Variants in PDE7B observed in about 807,000 individuals in gnomAD.
PDE7B encodes phosphodiesterase 7B.
PDE7B carries 29 observed loss-of-function variants against 56.2 expected under a neutral mutation model. The observed-to-expected ratio is 0.52, with a 90% confidence interval of 0.38 to 0.70. The LOEUF is 0.70. Ranked by LOEUF, PDE7B falls within the 30% of genes least tolerant of loss-of-function variation. The probability of loss-of-function intolerance (pLI) is 0.00; values close to 1 mark genes in which losing one functional copy is unlikely to be tolerated. For missense variants in PDE7B, 490 were observed against 565.0 expected (o/e 0.87, Z 1.35); for synonymous variants, 197 against 196.9 (o/e 1.00, Z 0.00).
intron 3 of PDE7B, among the ~76,000 whole-genome samples, chr6:136,122,947 G>A (rs1209201537): frequency 2.6e-5 from 4 of 152,186 alleles, no homozygotes; most frequent in Admixed American, 2.6e-4. Flanking sequence ...AGACTGCTGG[G>A]ATATTCTTAT....
At chr6:135,919,968 GTAAATAT>G (rs1048210278) in intron 1 of PDE7B, among the ~76,000 whole-genome samples, 1 of 152,006 alleles carries the variant, frequency 6.6e-6, no homozygotes, top group Non-Finnish European at 1.5e-5. Flanking sequence ...AATCTTTAAA[GTAAATAT>G]TGCTATCCTT....
intron 1 of PDE7B, among the ~76,000 whole-genome samples, chr6:135,882,349 C>A (rs994896834): frequency 6.6e-6 from 1 of 152,150 alleles, no homozygotes; most frequent in African/African-American, 2.4e-5. Flanking sequence ...AAGTCTTCAA[C>A]TAAGTAAAAA....
intron 2 of PDE7B, among the ~76,000 whole-genome samples, chr6:136,027,165 G>A (rs115507934): frequency 0.011 from 1,636 of 152,282 alleles, 32 homozygotes; most frequent in African/African-American, 0.038. Context: ...CTCTGGAACT[G>A]TGAGAAATGA....
At chr6:135,966,361 C>T (rs1406180215) in intron 2 of PDE7B, among the ~76,000 whole-genome samples, 1 of 150,846 alleles carries the variant, frequency 6.6e-6, no homozygotes, top group Non-Finnish European at 1.5e-5. Context: ...TAATGGCTTA[C>T]TCAGGAAACT....
At chr6:136,045,752 T>C (rs1227233140) in intron 2 of PDE7B, among the ~76,000 whole-genome samples, 4 of 151,904 alleles carry the variant, frequency 2.6e-5, no homozygotes, top group Admixed American at 6.6e-5. Flanking sequence ...ATGAATGTGG[T>C]AGTAGAAATT....
At chr6:135,966,256 G>T (rs1330794828) in intron 2 of PDE7B, among the ~76,000 whole-genome samples, 1 of 152,052 alleles carries the variant, frequency 6.6e-6, no homozygotes, top group African/African-American at 2.4e-5. Context: ...CTTTAGAGTG[G>T]CTTTTTTCTA....
chr6:135,857,267 A>G (rs954532615), intron 1 of PDE7B, among the ~76,000 whole-genome samples: 2 of 151,744 alleles, frequency 1.3e-5, no homozygotes, highest in Admixed American at 1.3e-4. Context: ...TCCTGCTGAT[A>G]TTTTTTTCTT....
chr6:135,915,580 T>C (rs1773900704), intron 1 of PDE7B, among the ~76,000 whole-genome samples: 1 of 152,202 alleles, frequency 6.6e-6, no homozygotes, highest in African/African-American at 2.4e-5. Context: ...TCGTATACTG[T>C]ACAATGTTCT....
chr6:136,005,086 A>G (rs1775754022), intron 2 of PDE7B, among the ~76,000 whole-genome samples: 1 of 152,228 alleles, frequency 6.6e-6, no homozygotes, highest in Non-Finnish European at 1.5e-5. Context: ...CAAACCTGAG[A>G]AAAACAAGCA....
intron 2 of PDE7B, among the ~76,000 whole-genome samples, chr6:135,983,791 A>G (rs1775334484): frequency 6.6e-6 from 1 of 152,238 alleles, no homozygotes; most frequent in Non-Finnish European, 1.5e-5. Context: ...ATAAACACCC[A>G]GAATCCATTT....
At chr6:136,011,328 A>G (rs1044218495) in intron 2 of PDE7B, among the ~76,000 whole-genome samples, 4 of 152,294 alleles carry the variant, frequency 2.6e-5, no homozygotes, top group African/African-American at 9.6e-5. Flanking sequence ...TCCCTTCTCA[A>G]GTGAATATAA....
intron 12 of PDE7B, among the ~76,000 whole-genome samples, chr6:136,187,842 C>T (rs1365792171): frequency 1.3e-5 from 2 of 152,208 alleles, no homozygotes; most frequent in African/African-American, 2.4e-5. Context: ...CACTCCATCA[C>T]GTCCACCCAC....
At chr6:136,162,913 G>T (rs978229459) in intron 8 of PDE7B, among the ~76,000 whole-genome samples, 13 of 152,320 alleles carry the variant, frequency 8.5e-5, no homozygotes, top group African/African-American at 2.9e-4. Context: ...CCTGATGCTG[G>T]GCTCCCATGC....
At chr6:135,899,387 C>T (rs1434660548) in intron 1 of PDE7B, among the ~76,000 whole-genome samples, 1 of 150,686 alleles carries the variant, frequency 6.6e-6, no homozygotes, top group Non-Finnish European at 1.5e-5. Context: ...TATCCAATGG[C>T]AAGGTTATAT....
rs1201361799 is a variant in PDE7B, at chr6:136,131,494, G to GTTTTTTTT, written c.167-15839_167-15832dup. 7.4e-4 allele frequency among the ~76,000 whole-genome samples: 63 copies of GTTTTTTTT among 84,712 alleles called. 5 individuals carry two copies. Among genetic ancestry groups the GTTTTTTTT allele is most frequent in the African/African-American group, 2.8e-3 (59 of 21,130 alleles). The allele number at this position is 84,712 out of a possible 152,430, so 55.6% of individuals were successfully genotyped here. A position where few individuals can be genotyped will look rare whatever the true frequency, so the allele number is the denominator to read the frequency against. On this transcript the variant is annotated intron_variant, in intron 3 of 12. Transcript: ENST00000308191. Reference sequence around the variant, plus strand: ...TATGCATCCCTGTGCATCCTGGCAGGTTTTTTTTTTTTTTTTTTTTTTTTT... The same window carrying GTTTTTTTT: ...TATGCATCCCTGTGCATCCTGGCAGGTTTTTTTTTTTTTTTTTTTTTTTTTTTTTTTTT...
At chr6:136,173,757 C>G in intron 8 of PDE7B, 40 bp from the exon 9 acceptor site, 48,690 of 1,014,280 alleles carry the variant, frequency 0.048, no homozygotes, top group Non-Finnish European at 0.069. Flanking sequence ...CAGTATCTGG[C>G]TTCCCTCTCA....
At chr6:136,065,518 C>T (rs1456698669) in intron 2 of PDE7B, among the ~76,000 whole-genome samples, 1 of 152,080 alleles carries the variant, frequency 6.6e-6, no homozygotes, top group African/African-American at 2.4e-5. Context: ...CCCAGGGTGC[C>T]AGGAATATTG....
At chr6:136,100,808 A>T (rs1777548958) in intron 2 of PDE7B, among the ~76,000 whole-genome samples, 1 of 152,136 alleles carries the variant, frequency 6.6e-6, no homozygotes, top group African/African-American at 2.4e-5. Context: ...TACTATATTG[A>T]ATAGGAGTGG....
intron 2 of PDE7B, among the ~76,000 whole-genome samples, chr6:135,964,966 A>G (rs1335486852): frequency 6.6e-6 from 1 of 152,210 alleles, no homozygotes; most frequent in Non-Finnish European, 1.5e-5. Context: ...ACATGGCAAA[A>G]CCCCATCTCT....
Sources: gnomAD v4.1 joint callset for allele counts (sites outside exome capture counted in the v4.1 genomes callset) on GRCh38, gnomAD v4.1.1 for gene constraint, MANE v1.5 for transcripts, NCBI Gene and HGNC (gene_info 2026-07-23, HGNC 2026-07-21) for gene names.